GPHN: variants seen among roughly 807,000 people sequenced by gnomAD.
The protein encoded by GPHN is gephyrin.
Under a neutral mutation model 95.5 loss-of-function variants are expected in GPHN, and 17 were observed. That is an observed-to-expected ratio of 0.18 (90% CI 0.12 to 0.27). The LOEUF is 0.27. GPHN is among the 10% of genes least tolerant of loss of function. The pLI, the probability that GPHN is intolerant of heterozygous loss-of-function variation, is 1.00. For missense variants in GPHN, 660 were observed against 978.1 expected, an observed-to-expected ratio of 0.67 and a Z score of 4.34; for synonymous variants, 320 against 322.5, an observed-to-expected ratio of 0.99 and a Z score of 0.08.
At chr14:67,594,945 C>CGAGACCACGGT in the GPHN span, among the ~76,000 whole-genome samples, 5 of 151,846 alleles carry the variant, frequency 3.3e-5, no homozygotes, top group Admixed American at 6.6e-5. Context: ...GTCAGGAGAT[C>CGAGACCACGGT]GAGACCACGG....
At chr14:67,685,389 T>C in the GPHN span, among the ~76,000 whole-genome samples, 29 of 152,012 alleles carry the variant, frequency 1.9e-4, no homozygotes, top group Non-Finnish European at 3.1e-4. Context: ...GGCTCTAGAG[T>C]AGACAGTGCT....
At chr14:67,164,789 G>A (rs2082179686) in intron 19 of GPHN, among the ~76,000 whole-genome samples, 2 of 152,030 alleles carry the variant, frequency 1.3e-5, no homozygotes, top group African/African-American at 4.8e-5. Flanking sequence ...ACCATGCCTG[G>A]CCAGTCTTCT....
the GPHN span, among the ~76,000 whole-genome samples, chr14:67,218,946 A>G: frequency 6.6e-6 from 1 of 151,968 alleles, no homozygotes; most frequent in Admixed American, 6.6e-5. Context: ...GGTTCTGCAC[A>G]GGTGGTGTTG....
At chr14:67,578,046 G>T in the GPHN span, 1 of 1,613,702 alleles carries the variant, frequency 6.2e-7, no homozygotes, top group Non-Finnish European at 8.5e-7. The surrounding 1 kb of genome is among the most constrained non-coding windows in gnomAD (Gnocchi z 5.0). Context: ...TCATCAACGT[G>T]CCGGTGGAAG....
the GPHN span, among the ~76,000 whole-genome samples, chr14:67,233,303 G>A: frequency 2.6e-5 from 4 of 151,890 alleles, no homozygotes; most frequent in South Asian, 2.1e-4. Context: ...CACCACGCCC[G>A]GCTAAATTTT....
the GPHN span, among the ~76,000 whole-genome samples, chr14:67,712,493 C>CAAAAAAAAAA: frequency 7.7e-5 from 3 of 38,924 alleles, no homozygotes; most frequent in Non-Finnish European, 1.5e-4. Context: ...AAAAAACTTG[C>CAAAAAAAAAA]AAAAAAAAAA....
At chr14:66,823,745 G>A (rs1052636770) in intron 3 of GPHN, among the ~76,000 whole-genome samples, 6 of 152,094 alleles carry the variant, frequency 3.9e-5, no homozygotes, top group South Asian at 2.1e-4. Flanking sequence ...TGTGGGGACC[G>A]TATTGTACAT....
the GPHN span, chr14:67,620,970 A>G: frequency 6.2e-7 from 1 of 1,613,888 alleles, no homozygotes; most frequent in Admixed American, 1.7e-5. Context: ...AGTTTGGGTA[A>G]GTGGTTAGAT....
chr14:66,714,489 A>G (rs2069974822), intron 2 of GPHN, among the ~76,000 whole-genome samples: 1 of 152,014 alleles, frequency 6.6e-6, no homozygotes, highest in Non-Finnish European at 1.5e-5. Flanking sequence ...TCCGTTTTTT[A>G]CTTTCTCTTG....
the GPHN span, among the ~76,000 whole-genome samples, chr14:67,315,229 C>A: frequency 7.3e-6 from 1 of 137,856 alleles, no homozygotes; most frequent in Non-Finnish European, 1.6e-5. Flanking sequence ...ATTAAAATTA[C>A]TTTGTTCTTG....
the GPHN span, among the ~76,000 whole-genome samples, chr14:67,445,150 C>T: frequency 6.6e-6 from 1 of 152,156 alleles, no homozygotes. Flanking sequence ...CTTGGCTGTC[C>T]TGACTTGTAT....
At chr14:67,225,200 G>A in the GPHN span, 7 of 1,547,854 alleles carry the variant, frequency 4.5e-6, no homozygotes, top group South Asian at 2.5e-5. Context: ...GGGAATGAAT[G>A]TGAGGAAAGA....
intron 1 of GPHN, among the ~76,000 whole-genome samples, chr14:66,670,721 G>A (rs976591136): frequency 2.8e-4 from 42 of 152,286 alleles, no homozygotes; most frequent in African/African-American, 7.9e-4. Flanking sequence ...GAGCCTAGGC[G>A]GTGGAGGTTG....
At chr14:67,313,284 T>C in the GPHN span, among the ~76,000 whole-genome samples, 1 of 152,192 alleles carries the variant, frequency 6.6e-6, no homozygotes, top group Admixed American at 6.5e-5. Context: ...AGTACAGTCA[T>C]GCATCACTTA....
intron 17 of GPHN, among the ~76,000 whole-genome samples, chr14:67,124,268 T>G (rs1244205390): frequency 1.3e-5 from 2 of 151,562 alleles, no homozygotes; most frequent in Non-Finnish European, 2.9e-5. Flanking sequence ...TAGCTGGGGG[T>G]AGTGGTGCGC....
At chr14:67,216,085 C>A in the GPHN span, among the ~76,000 whole-genome samples, 12 of 152,154 alleles carry the variant, frequency 7.9e-5, no homozygotes, top group African/African-American at 2.7e-4. Context: ...GTCCTCCTAC[C>A]AATCCCCCAT....
chr14:67,386,204 A>T, the GPHN span: 3 of 152,702 alleles, frequency 2.0e-5, no homozygotes, highest in Non-Finnish European at 4.4e-5. Context: ...CCTTGGTGAA[A>T]TGCCAAATGG....
chr14:67,045,392 C>G (rs938150312), intron 10 of GPHN, among the ~76,000 whole-genome samples: 4 of 151,202 alleles, frequency 2.6e-5, no homozygotes, highest in Non-Finnish European at 5.9e-5. Context: ...CTGTCTCCCT[C>G]TCTGTCTCTC....
At chr14:67,381,434 C>T in the GPHN span, among the ~76,000 whole-genome samples, 2 of 152,182 alleles carry the variant, frequency 1.3e-5, no homozygotes, top group South Asian at 4.1e-4. Context: ...TACCACACTC[C>T]TCCTTGCCTC....
Sources: gnomAD v4.1 joint callset for allele counts (sites outside exome capture counted in the v4.1 genomes callset) on GRCh38, gnomAD v4.1.1 for gene constraint, Gnocchi (gnomAD v3.1) non-coding constraint, MANE v1.5 for transcripts, NCBI Gene and HGNC (gene_info 2026-07-23, HGNC 2026-07-21) for gene names.